AFG1L: variants seen among roughly 807,000 people sequenced by gnomAD.
AFG1L encodes the protein AFG1 like ATPase.
Under a neutral mutation model 62.2 loss-of-function variants are expected in AFG1L, and 53 were observed. The observed-to-expected ratio is 0.85, with a 90% confidence interval of 0.68 to 1.07. The LOEUF is 1.07. Ranked by LOEUF, AFG1L falls within the 50% of genes least tolerant of loss-of-function variation. The pLI, the probability that AFG1L is intolerant of heterozygous loss-of-function variation, is 0.00. For missense variants in AFG1L, 555 were observed against 590.5 expected (o/e 0.94, Z 0.62); for synonymous variants, 228 against 210.3 (o/e 1.08, Z -0.73).
chr6:108,520,580 C>A (rs1257644179), intron 12 of AFG1L: 1 of 152,220 alleles, frequency 6.6e-6, no homozygotes, highest in Non-Finnish European at 1.5e-5. Flanking sequence ...TCTTCCAGCC[C>A]CACAGGTGAA....
Position 108,484,401 on chromosome 6 carries a change from C to A in AFG1L, c.1062+7109C>A, listed in dbSNP as rs539726215. Among the ~76,000 whole-genome samples the A allele has an allele frequency of 1.2e-4, 19 of 152,206 alleles. No homozygotes were observed. The South Asian group carries it at 3.9e-3, about 32-fold the overall frequency. Reference sequence around the variant, plus strand: ...ATTCTTGTAGGGAGGAATATGAATCCATTGTCACAAATGAGCCATAAGTCT... The same window carrying A: ...ATTCTTGTAGGGAGGAATATGAATCAATTGTCACAAATGAGCCATAAGTCT... On this transcript the variant is annotated intron_variant, in intron 10 of 12. Coordinates refer to ENST00000368977, the MANE Select transcript of AFG1L (RefSeq NM_145315.5).
At chr6:108,318,684 A>G (rs1369106330) in intron 1 of AFG1L, among the ~76,000 whole-genome samples, 4 of 152,224 alleles carry the variant, frequency 2.6e-5, no homozygotes, top group Non-Finnish European at 5.9e-5. Context: ...TTAGGAGAAT[A>G]TAGTGAAATA....
chr6:108,419,634 CTTA>C (rs1770496818), intron 7 of AFG1L, among the ~76,000 whole-genome samples: 2 of 152,002 alleles, frequency 1.3e-5, no homozygotes, highest in Non-Finnish European at 1.5e-5. Context: ...CAATTTTGTT[CTTA>C]TTATTGCTAC....
intron 3 of AFG1L, among the ~76,000 whole-genome samples, chr6:108,351,399 G>A (rs1311905552): frequency 6.6e-6 from 1 of 152,092 alleles, no homozygotes; most frequent in Non-Finnish European, 1.5e-5. Flanking sequence ...GAAATGCGGT[G>A]GATTTTTTGA....
chr6:108,477,028 G>T, intron 9 of AFG1L, 93 bp downstream of exon 9: 1 of 1,176,736 alleles, frequency 8.5e-7, no homozygotes, highest in Non-Finnish European at 1.3e-6. Flanking sequence ...GCTGTATATG[G>T]GTTGATGCCA....
chr6:108,487,102 G>A (rs1288460425), intron 10 of AFG1L, among the ~76,000 whole-genome samples: 1 of 152,344 alleles, frequency 6.6e-6, no homozygotes, highest in East Asian at 1.9e-4. Context: ...AGAGTTTACA[G>A]TTTAATAAAG....
At chr6:108,477,423 G>T in intron 10 of AFG1L, 131 bp downstream of exon 10, 1 of 495,500 alleles carries the variant, frequency 2.0e-6, no homozygotes. Context: ...GTCTCATTAA[G>T]GGAAATACTC....
In AFG1L at chr6:108,449,485, T is replaced by G. The variant is rs190210300; in HGVS notation, c.890+2189T>G. Among the ~76,000 whole-genome samples the G allele has an allele frequency of 2.2e-3, 339 of 152,302 alleles. 1 individual carries two copies. Among genetic ancestry groups the G allele is most frequent in the African/African-American group, 7.8e-3 (323 of 41,568 alleles). On this transcript the variant is annotated intron_variant, in intron 8 of 12. Transcript: ENST00000368977. ...TTACTAAGACAGGATGCTAGAGATG[T>G]GTATTATATTGTTTCACATGAGGAC... is the stretch of plus-strand genomic sequence containing the variant.
Position 108,510,260 on chromosome 6 carries a change from A to G in AFG1L, c.1111A>G (p.Ile371Val), listed in dbSNP as rs138360237. Reference sequence around the variant, plus strand: ...GGAACTATCAAAGAATTTTGATACAATATTTTTACGAAACATTCCGCAATT... The same window carrying G: ...GGAACTATCAAAGAATTTTGATACAGTATTTTTACGAAACATTCCGCAATT... Reference protein sequence around the residue: ...YLELSKNFDTIFLRNIPQFTL... With the variant: ...YLELSKNFDTVFLRNIPQFTL... The change falls in exon 11 of 13, where the codon ATA becomes GTA. Residue 371 changes from isoleucine to valine, a missense_variant. By Grantham distance (29) the Ile-to-Val change is conservative (BLOSUM62 3). Transcript: ENST00000368977. 9,322 of 1,612,142 alleles carry G rather than the reference A, an allele frequency of 5.8e-3. 95 individuals carry two copies. Among genetic ancestry groups the G allele is most frequent in the South Asian group, 0.024 (2,196 of 90,906 alleles).
chr6:108,392,913 GA>G (rs1301390498), intron 6 of AFG1L, among the ~76,000 whole-genome samples: 1 of 151,986 alleles, frequency 6.6e-6, no homozygotes, highest in Non-Finnish European at 1.5e-5. Flanking sequence ...GATTTTTAAG[GA>G]AAAGATCTGC....
At chr6:108,368,056 A>T (rs1582451245) in intron 6 of AFG1L, among the ~76,000 whole-genome samples, 1 of 152,158 alleles carries the variant, frequency 6.6e-6, no homozygotes, top group Non-Finnish European at 1.5e-5. Context: ...GGTCTCTCTC[A>T]TTCTATGTTT....
In AFG1L at chr6:108,355,546, T is replaced by C. The variant is rs950723757; in HGVS notation, c.416-108T>C. 9.3e-6 allele frequency: 5 copies of C among 535,174 alleles called. No individual in the cohort carries two copies. In the African/African-American group the frequency reaches 1.0e-4, roughly 11 times the overall value. 33.2% of individuals were successfully genotyped at this position (535,174 alleles called of 1,614,324 possible). ...CTAAAGAAGTGACATAGTCTTCAGC[T>C]TCCTAGCGGAAGAGTATGGTTTCAT... On this transcript the variant is annotated intron_variant, in intron 3 of 12. Coordinates refer to ENST00000368977, the MANE Select transcript of AFG1L (RefSeq NM_145315.5).
At chr6:108,411,328 C>T (rs1326716373) in intron 7 of AFG1L, among the ~76,000 whole-genome samples, 1 of 152,210 alleles carries the variant, frequency 6.6e-6, no homozygotes, top group South Asian at 2.1e-4. Flanking sequence ...GACTCCACCT[C>T]TGGGGGCAGG....
chr6:108,469,377 A>G (rs1772797721), intron 8 of AFG1L, among the ~76,000 whole-genome samples: 1 of 152,074 alleles, frequency 6.6e-6, no homozygotes. Flanking sequence ...TTAAAAAAAA[A>G]GAAAAGAAAA....
intron 2 of AFG1L, among the ~76,000 whole-genome samples, chr6:108,339,272 C>G (rs1401552544): frequency 6.6e-6 from 1 of 151,242 alleles, no homozygotes; most frequent in African/African-American, 2.4e-5. Context: ...TCTCGAGTAG[C>G]TGGGACTACA....
chr6:108,342,487 C>A (rs1778717495), intron 2 of AFG1L, among the ~76,000 whole-genome samples: 1 of 152,068 alleles, frequency 6.6e-6, no homozygotes, highest in South Asian at 2.1e-4. Flanking sequence ...TAAGGGACAG[C>A]CATTTTGAAG....
At chr6:108,353,875 T>C (rs528412894) in intron 3 of AFG1L, among the ~76,000 whole-genome samples, 5 of 152,258 alleles carry the variant, frequency 3.3e-5, no homozygotes, top group African/African-American at 4.8e-5. Context: ...GTTTGGTGGA[T>C]TGTTTTTTCA....
At chr6:108,518,693 A>G (rs1775001194) in intron 11 of AFG1L, among the ~76,000 whole-genome samples, 1 of 152,224 alleles carries the variant, frequency 6.6e-6, no homozygotes, top group Non-Finnish European at 1.5e-5. Context: ...TAGTGGATAT[A>G]AAAAATATAA....
At chr6:108,390,057 C>T (rs1256474227) in intron 6 of AFG1L, among the ~76,000 whole-genome samples, 2 of 152,192 alleles carry the variant, frequency 1.3e-5, no homozygotes, top group East Asian at 1.9e-4. Flanking sequence ...TCCCATATTT[C>T]TTGGAGGCTT....
Sources: gnomAD v4.1 joint callset for allele counts (sites outside exome capture counted in the v4.1 genomes callset) on GRCh38, gnomAD v4.1.1 for gene constraint, MANE v1.5 for transcripts, NCBI Gene and HGNC (gene_info 2026-07-23, HGNC 2026-07-21) for gene names.